Variants in RBFOX1 observed in about 807,000 individuals in gnomAD.
RBFOX1 encodes RNA binding fox-1 homolog 1, also known as RNA binding protein fox-1 homolog 1.
In RBFOX1, 8 loss-of-function variants were observed where a neutral mutation model predicts 57.7. The observed-to-expected ratio is 0.14, with a 90% CI of 0.08 to 0.25. The LOEUF is 0.25. Among genes scored for constraint, RBFOX1 ranks in the 10% least tolerant of loss-of-function variants. RBFOX1 has a pLI of 1.00. For synonymous variants in RBFOX1, 326 were observed against 222.4 expected, an observed-to-expected ratio of 1.47 and a Z score of -4.15; for missense variants, 611 against 548.5, an observed-to-expected ratio of 1.11 and a Z score of -1.14.
At chr16:5,766,969 C>T (rs775862991) in intron 3 of RBFOX1, among the ~76,000 whole-genome samples, 34 of 152,158 alleles carry the variant, frequency 2.2e-4, no homozygotes, top group Admixed American at 4.6e-4. Flanking sequence ...ATTTAGTTCC[C>T]ATCACCTTAT....
intron 3 of RBFOX1, among the ~76,000 whole-genome samples, chr16:7,010,798 C>G (rs1383959858): frequency 1.3e-5 from 2 of 152,120 alleles, no homozygotes; most frequent in African/African-American, 4.8e-5. Context: ...CTCCTGGCCT[C>G]AAGTGATCTA....
chr16:6,407,330 C>A (rs542509487), intron 2 of RBFOX1, among the ~76,000 whole-genome samples: 210 of 152,014 alleles, frequency 1.4e-3, no homozygotes, highest in Middle Eastern at 3.4e-3. Flanking sequence ...ATATGTAATC[C>A]ATTTCTATCT....
intron 1 of RBFOX1, among the ~76,000 whole-genome samples, chr16:6,174,186 A>T (rs1294224771): frequency 1.3e-5 from 2 of 152,076 alleles, no homozygotes; most frequent in African/African-American, 2.4e-5. Flanking sequence ...TATTCCTCGA[A>T]TTTGCTGGTT....
intron 4 of RBFOX1, among the ~76,000 whole-genome samples, chr16:7,205,414 A>G (rs1293712937): frequency 6.6e-6 from 1 of 151,580 alleles, no homozygotes; most frequent in Middle Eastern, 3.5e-3. Flanking sequence ...GCTACTCGGG[A>G]GGCTAAGGCA....
intron 5 of RBFOX1, 74 bp from the exon 6 acceptor site, chr16:7,579,703 G>C: frequency 1.9e-6 from 3 of 1,572,456 alleles, no homozygotes; most frequent in South Asian, 2.3e-5. Flanking sequence ...TGCCACTCAT[G>C]GCAAGCAAAA....
intron 4 of RBFOX1, among the ~76,000 whole-genome samples, chr16:7,463,547 C>A (rs778006901): frequency 2.6e-5 from 4 of 152,144 alleles, no homozygotes; most frequent in African/African-American, 9.7e-5. Flanking sequence ...CAGAGTCCTA[C>A]CCTTATGATG....
chr16:5,762,106 A>T (rs1326274890), intron 3 of RBFOX1, among the ~76,000 whole-genome samples: 2 of 152,198 alleles, frequency 1.3e-5, no homozygotes, highest in Non-Finnish European at 2.9e-5. Context: ...TTTCCTGCAA[A>T]ACCAATAGTA....
intron 2 of RBFOX1, among the ~76,000 whole-genome samples, chr16:6,338,839 A>C (rs972496107): frequency 6.6e-6 from 1 of 152,232 alleles, no homozygotes; most frequent in African/African-American, 2.4e-5. Context: ...AAAGGAACTT[A>C]ATCTTTTATT....
intron 3 of RBFOX1, among the ~76,000 whole-genome samples, chr16:6,925,139 T>G (rs1335258657): frequency 3.8e-5 from 3 of 78,340 alleles, no homozygotes; most frequent in African/African-American, 1.7e-4. Flanking sequence ...TTTTTTTTTT[T>G]TTTTTTTTTT....
intron 3 of RBFOX1, among the ~76,000 whole-genome samples, chr16:6,931,340 T>TACACACAC (rs1555640313): frequency 9.4e-6 from 1 of 106,938 alleles, no homozygotes; most frequent in African/African-American, 3.3e-5. Flanking sequence ...TATCTATCTC[T>TACACACAC]ACACACACAC....
chr16:6,509,746 C>G (rs2096209463), intron 2 of RBFOX1, among the ~76,000 whole-genome samples: 2 of 151,996 alleles, frequency 1.3e-5, no homozygotes, highest in African/African-American at 4.8e-5. Context: ...ACCCATTTAC[C>G]CTGATGTGAT....
intron 4 of RBFOX1, among the ~76,000 whole-genome samples, chr16:7,187,287 T>A (rs1330373002): frequency 6.9e-6 from 1 of 144,882 alleles, no homozygotes; most frequent in African/African-American, 2.9e-5. Context: ...ATTAAAGTAA[T>A]TTTTTCTTAA....
intron 2 of RBFOX1, among the ~76,000 whole-genome samples, chr16:6,340,909 G>A (rs890821193): frequency 6.6e-6 from 1 of 152,114 alleles, no homozygotes; most frequent in Non-Finnish European, 1.5e-5. Context: ...AGAGGTAACA[G>A]CACTTCTGGG....
intron 3 of RBFOX1, among the ~76,000 whole-genome samples, chr16:6,828,869 C>T (rs1041580051): frequency 2.0e-5 from 3 of 152,142 alleles, no homozygotes; most frequent in Admixed American, 6.5e-5. Flanking sequence ...AGTATTCCAC[C>T]CCTTGGCTAA....
chr16:6,302,016 A>T (rs935357136), intron 1 of RBFOX1, among the ~76,000 whole-genome samples: 4 of 152,112 alleles, frequency 2.6e-5, no homozygotes, highest in African/African-American at 9.7e-5. Flanking sequence ...GCAGGTTTTC[A>T]GTTCTTACCA....
At chr16:6,524,186 T>C (rs1019118680) in intron 2 of RBFOX1, among the ~76,000 whole-genome samples, 6 of 152,316 alleles carry the variant, frequency 3.9e-5, no homozygotes, top group African/African-American at 1.4e-4. Flanking sequence ...GTACTCTCTA[T>C]CTCCGTGAGT....
chr16:5,904,069 T>C (rs2058379233), intron 4 of RBFOX1, among the ~76,000 whole-genome samples: 1 of 152,130 alleles, frequency 6.6e-6, no homozygotes, highest in Non-Finnish European at 1.5e-5. Context: ...AAGGCCAGCA[T>C]GTTCCCTGCT....
chr16:5,280,766 A>G (rs189068188), intron 1 of RBFOX1, among the ~76,000 whole-genome samples: 4 of 151,498 alleles, frequency 2.6e-5, no homozygotes, highest in South Asian at 4.2e-4. Flanking sequence ...TTTCTTTGGT[A>G]ACAGTTGTAA....
chr16:7,458,706 C>T (rs192041105), intron 4 of RBFOX1, among the ~76,000 whole-genome samples: 1 of 151,788 alleles, frequency 6.6e-6, no homozygotes, highest in Non-Finnish European at 1.5e-5. Flanking sequence ...TAGTTCACTC[C>T]CTCTCCTCCT....
Sources: gnomAD v4.1 joint callset for allele counts (sites outside exome capture counted in the v4.1 genomes callset) on GRCh38, gnomAD v4.1.1 for gene constraint, MANE v1.5 for transcripts, NCBI Gene and HGNC (gene_info 2026-07-23, HGNC 2026-07-21) for gene names.